The following FANK1 variants were observed in gnomAD, a reference collection of about 807,000 sequenced individuals.
The protein encoded by FANK1 is fibronectin type 3 and ankyrin repeat domains protein 1.
In FANK1, 44 loss-of-function variants were observed where a neutral mutation model predicts 45.3. That is an observed-to-expected ratio of 0.97 (90% CI 0.76 to 1.25). The LOEUF is 1.25. Ranked by LOEUF, FANK1 falls within the 50% of genes most tolerant of loss-of-function variation. The pLI is 0.00. For synonymous variants in FANK1, 149 were observed against 152.5 expected (o/e 0.98, Z 0.17); for missense variants, 391 against 424.4 (o/e 0.92, Z 0.69).
chr10:126,001,489 C>T (rs773312208), intron 6 of FANK1, among the ~76,000 whole-genome samples: 11 of 152,142 alleles, frequency 7.2e-5, no homozygotes, highest in South Asian at 2.1e-4. Flanking sequence ...GCAAGCGGAG[C>T]GGGTCCTCCA....
At chr10:125,917,948 A>G (rs1469928684) in intron 1 of FANK1, among the ~76,000 whole-genome samples, 1 of 152,300 alleles carries the variant, frequency 6.6e-6, no homozygotes, top group Admixed American at 6.5e-5. Flanking sequence ...GTGTGGTGGA[A>G]CATACCTGTA....
chr10:125,919,758 G>T (rs888857938), intron 1 of FANK1, among the ~76,000 whole-genome samples: 1 of 152,084 alleles, frequency 6.6e-6, no homozygotes, highest in Non-Finnish European at 1.5e-5. Flanking sequence ...CACTGAATTT[G>T]ATTATTTTCT....
At chr10:125,989,582 A>G in intron 3 of FANK1, 1 of 690,458 alleles carries the variant, frequency 1.4e-6, no homozygotes, top group Non-Finnish European at 2.7e-6. Flanking sequence ...CAGACCTGGC[A>G]TGAGGGGACA....
chr10:125,961,360 T>C (rs1949917663), intron 1 of FANK1, among the ~76,000 whole-genome samples: 1 of 152,168 alleles, frequency 6.6e-6, no homozygotes, highest in African/African-American at 2.4e-5. Context: ...TTCTCCTGCC[T>C]TAGCCTCCCA....
intron 1 of FANK1, among the ~76,000 whole-genome samples, chr10:125,910,578 CATT>C (rs1460153722): frequency 5.3e-5 from 8 of 152,126 alleles, no homozygotes; most frequent in African/African-American, 1.9e-4. Flanking sequence ...TTTCACCTGA[CATT>C]ATATTTTGGT....
At chr10:125,921,978 G>T (rs1198686133) in intron 1 of FANK1, among the ~76,000 whole-genome samples, 1 of 151,968 alleles carries the variant, frequency 6.6e-6, no homozygotes, top group Non-Finnish European at 1.5e-5. Flanking sequence ...GATTTAGTCT[G>T]TTTTTCTTAT....
intron 1 of FANK1, among the ~76,000 whole-genome samples, chr10:125,920,490 A>G (rs181089487): frequency 7.2e-5 from 11 of 152,316 alleles, no homozygotes; most frequent in Non-Finnish European, 1.5e-4. Context: ...AACTTCTAAT[A>G]CTGTCTTCTG....
chr10:125,937,408 C>T (rs1246678430), intron 1 of FANK1, among the ~76,000 whole-genome samples: 1 of 152,120 alleles, frequency 6.6e-6, no homozygotes, highest in Non-Finnish European at 1.5e-5. Flanking sequence ...TAATTTGGAT[C>T]GTAGTTTATT....
chr10:125,963,697 A>T (rs1276529122), intron 1 of FANK1, among the ~76,000 whole-genome samples: 3 of 152,170 alleles, frequency 2.0e-5, no homozygotes, highest in African/African-American at 7.2e-5. Context: ...GAACAGTGAG[A>T]ACACTTGAAC....
chr10:125,927,903 A>G (rs112120439), intron 1 of FANK1, among the ~76,000 whole-genome samples: 149 of 152,022 alleles, frequency 9.8e-4, no homozygotes, highest in African/African-American at 3.4e-3. Flanking sequence ...TTTGATCTGT[A>G]TCTGGGAGTG....
At chr10:125,957,500 G>A (rs1269466875) in intron 1 of FANK1, among the ~76,000 whole-genome samples, 1 of 151,774 alleles carries the variant, frequency 6.6e-6, no homozygotes, top group African/African-American at 2.4e-5. Flanking sequence ...CTCTCAGCTT[G>A]GTTTATGTTA....
chr10:125,923,933 T>C (rs1431990932), intron 1 of FANK1, among the ~76,000 whole-genome samples: 1 of 152,202 alleles, frequency 6.6e-6, no homozygotes, highest in African/African-American at 2.4e-5. Flanking sequence ...TAAAGGTCTG[T>C]GAATTTTATA....
intron 1 of FANK1, among the ~76,000 whole-genome samples, chr10:125,971,124 A>G (rs1950488937): frequency 6.6e-6 from 1 of 152,198 alleles, no homozygotes; most frequent in Non-Finnish European, 1.5e-5. Flanking sequence ...TGCCCTAAGT[A>G]TATACAATCT....
chr10:125,936,931 G>A (rs1368448559), intron 1 of FANK1, among the ~76,000 whole-genome samples: 1 of 152,028 alleles, frequency 6.6e-6, no homozygotes, highest in Non-Finnish European at 1.5e-5. Flanking sequence ...GCCAGGCGTG[G>A]TGGTGCATGC....
chr10:125,937,665 A>G (rs1404484421), intron 1 of FANK1, among the ~76,000 whole-genome samples: 9 of 152,220 alleles, frequency 5.9e-5, no homozygotes, highest in Non-Finnish European at 7.3e-5. Flanking sequence ...TTTATATGAT[A>G]TATAAAATGA....
intron 6 of FANK1, among the ~76,000 whole-genome samples, chr10:126,000,086 A>G (rs540479297): frequency 6.6e-6 from 1 of 151,030 alleles, no homozygotes; most frequent in South Asian, 2.1e-4. Flanking sequence ...TCTGAATTAA[A>G]AAAAACCCTA....
At chr10:125,941,957 C>A (rs1948477726) in intron 1 of FANK1, among the ~76,000 whole-genome samples, 1 of 152,134 alleles carries the variant, frequency 6.6e-6, no homozygotes, top group Non-Finnish European at 1.5e-5. Flanking sequence ...AGGATGGGGC[C>A]AGCACACAAG....
At chr10:125,936,598 A>G (rs559058618) in intron 1 of FANK1, among the ~76,000 whole-genome samples, 7 of 152,282 alleles carry the variant, frequency 4.6e-5, no homozygotes, top group South Asian at 4.1e-4. Flanking sequence ...AGTATACAGT[A>G]TGTACTTATT....
intron 1 of FANK1, among the ~76,000 whole-genome samples, chr10:125,919,177 T>C (rs1396282553): frequency 6.9e-6 from 1 of 145,936 alleles, no homozygotes; most frequent in East Asian, 2.0e-4. Context: ...ACTAGTAAAA[T>C]ACTTCCAGGA....
Sources: allele counts gnomAD v4.1 joint callset (sites outside exome capture counted in the v4.1 genomes callset), GRCh38; gene constraint gnomAD v4.1.1; transcripts MANE v1.5; gene names NCBI Gene and HGNC (gene_info 2026-07-23, HGNC 2026-07-21).